Variants in ARHGAP42 observed in about 807,000 individuals in gnomAD.
ARHGAP42 encodes Rho GTPase activating protein 42, also known as rho GTPase-activating protein 42.
In ARHGAP42, 63 loss-of-function variants were observed where a neutral mutation model predicts 125.0. The ratio of observed to expected loss-of-function variants is 0.50; its 90% CI spans 0.41 to 0.62. The LOEUF is 0.62. ARHGAP42 is among the 20% of genes least tolerant of loss of function. ARHGAP42 has a pLI of 0.00. For missense variants in ARHGAP42, 766 were observed against 1,024.2 expected (o/e 0.75, Z 3.44); for synonymous variants, 339 against 351.0 (o/e 0.97, Z 0.38).
intron 1 of ARHGAP42, among the ~76,000 whole-genome samples, chr11:100,759,834 T>G (rs930144203): frequency 2.0e-5 from 3 of 152,134 alleles, no homozygotes; most frequent in African/African-American, 7.2e-5. Context: ...ATTACTTGGC[T>G]TCCTTCTCCC....
chr11:100,988,393 A>G (rs186538924), intron 23 of ARHGAP42, among the ~76,000 whole-genome samples: 1 of 152,350 alleles, frequency 6.6e-6, no homozygotes, highest in East Asian at 1.9e-4. Context: ...GAAAATAAAT[A>G]GATAAATAAT....
intron 5 of ARHGAP42, among the ~76,000 whole-genome samples, chr11:100,920,078 C>T (rs912776407): frequency 2.0e-5 from 3 of 152,146 alleles, no homozygotes; most frequent in Admixed American, 6.5e-5. Context: ...GTGTGGAATA[C>T]TGATGTTCTT....
At chr11:100,874,523 G>A (rs1426944775) in intron 4 of ARHGAP42, among the ~76,000 whole-genome samples, 1 of 152,138 alleles carries the variant, frequency 6.6e-6, no homozygotes, top group Non-Finnish European at 1.5e-5. Context: ...GATCGCAAAG[G>A]TCTTTGACTG....
intron 1 of ARHGAP42, among the ~76,000 whole-genome samples, chr11:100,762,970 ATTT>A (rs553749625): frequency 7.3e-4 from 62 of 85,016 alleles, no homozygotes; most frequent in African/African-American, 2.6e-3. Context: ...GTTTATAGTG[ATTT>A]TTTTTTTTTT....
At chr11:100,861,781 A>T (rs753330795) in intron 4 of ARHGAP42, among the ~76,000 whole-genome samples, 5 of 152,318 alleles carry the variant, frequency 3.3e-5, no homozygotes, top group Non-Finnish European at 5.9e-5. Flanking sequence ...GGCTCCTCTG[A>T]GACATCCATG....
chr11:100,836,943 AAT>A (rs1864802941), intron 3 of ARHGAP42, among the ~76,000 whole-genome samples: 1 of 151,952 alleles, frequency 6.6e-6, no homozygotes, highest in East Asian at 1.9e-4. Context: ...GTTCCAGCAA[AAT>A]ATTTTTGGTT....
Position 100,717,666 on chromosome 11 carries a change from A to G in ARHGAP42, c.154+29834A>G, listed in dbSNP as rs561100696. Among the ~76,000 whole-genome samples, 26 of 147,416 alleles carry G rather than the reference A, an allele frequency of 1.8e-4. No homozygotes were observed. The South Asian group carries it at 4.5e-3, about 26-fold the overall frequency. On this transcript the variant is annotated intron_variant, in intron 1 of 23. Coordinates refer to ENST00000298815, the MANE Select transcript of ARHGAP42 (RefSeq NM_152432.4). ...AAAAAAAAAAAAAAAAAGATTCCAT[A>G]TATAATTCCAGCACTTTGGGAGGCT... is the stretch of plus-strand genomic sequence containing the variant.
chr11:100,888,130 TGTAA>T (rs1191917429), intron 4 of ARHGAP42, among the ~76,000 whole-genome samples: 1 of 152,258 alleles, frequency 6.6e-6, no homozygotes. Context: ...CAGGCAGATA[TGTAA>T]GTATTTCACA....
At chr11:100,763,419 T>C (rs890432223) in intron 1 of ARHGAP42, among the ~76,000 whole-genome samples, 1 of 152,196 alleles carries the variant, frequency 6.6e-6, no homozygotes, top group Non-Finnish European at 1.5e-5. Flanking sequence ...TCAAGAAGCC[T>C]AAAACCTAAG....
intron 3 of ARHGAP42, among the ~76,000 whole-genome samples, chr11:100,821,669 A>G (rs1262393958): frequency 4.0e-5 from 6 of 151,786 alleles, no homozygotes; most frequent in Admixed American, 3.3e-4. Flanking sequence ...AAAGCAGCAG[A>G]CATCTTTCCT....
At chr11:100,922,831 C>G (rs1416048036) in intron 6 of ARHGAP42, among the ~76,000 whole-genome samples, 2 of 152,188 alleles carry the variant, frequency 1.3e-5, no homozygotes, top group Non-Finnish European at 2.9e-5. Context: ...CCTACTGACT[C>G]TCTCCTGTAA....
At chr11:100,695,888 C>T (rs1861272466) in intron 1 of ARHGAP42, among the ~76,000 whole-genome samples, 2 of 152,070 alleles carry the variant, frequency 1.3e-5, no homozygotes, top group South Asian at 4.1e-4. Context: ...GATAATTCCT[C>T]TAATTTAATT....
At chr11:100,980,377 C>A (rs1023909736) in intron 22 of ARHGAP42, among the ~76,000 whole-genome samples, 1 of 151,724 alleles carries the variant, frequency 6.6e-6, no homozygotes, top group Admixed American at 6.6e-5. Context: ...AGATGGAGCC[C>A]TTTTATTAGG....
intron 2 of ARHGAP42, among the ~76,000 whole-genome samples, chr11:100,790,903 T>C (rs1240874791): frequency 2.0e-5 from 3 of 152,320 alleles, no homozygotes; most frequent in East Asian, 3.9e-4. Context: ...ATAATAATAT[T>C]GATAAATAAA....
intron 1 of ARHGAP42, among the ~76,000 whole-genome samples, chr11:100,732,293 A>G (rs1490055899): frequency 6.6e-6 from 1 of 152,134 alleles, no homozygotes; most frequent in East Asian, 1.9e-4. Flanking sequence ...GAGCTCCATG[A>G]AGGCAGGGAT....
intron 1 of ARHGAP42, among the ~76,000 whole-genome samples, chr11:100,733,942 T>TTTTTTTTTTTG (rs1862009485): frequency 7.2e-5 from 10 of 139,794 alleles, no homozygotes; most frequent in Admixed American, 7.1e-4. Flanking sequence ...TTTTTTTTTT[T>TTTTTTTTTTTG]TTTTTTTTTT....
chr11:100,793,583 A>G (rs1022092409), intron 2 of ARHGAP42, among the ~76,000 whole-genome samples: 2 of 152,236 alleles, frequency 1.3e-5, no homozygotes, highest in African/African-American at 4.8e-5. Flanking sequence ...AAATATTTTA[A>G]GTTGGAATTT....
intron 1 of ARHGAP42, among the ~76,000 whole-genome samples, chr11:100,696,212 AAG>A (rs1226894812): frequency 6.6e-6 from 1 of 152,208 alleles, no homozygotes; most frequent in African/African-American, 2.4e-5. Context: ...ACAACAGAGC[AAG>A]ACCCTGTGTC....
Position 100,964,933 on chromosome 11 carries a change from A to G in ARHGAP42, c.1445-738A>G, listed in dbSNP as rs117231562. On this transcript the variant is annotated intron_variant, in intron 16 of 23. Coordinates refer to ENST00000298815, the MANE Select transcript of ARHGAP42 (RefSeq NM_152432.4). ...TCTGTGGGTGTATTGCCACACTGCT[A>G]TGAAGAAATATCCAAGACTCAGTAA... Among the ~76,000 whole-genome samples the G allele has an allele frequency of 4.1e-3, 627 of 152,254 alleles. 2 individuals are homozygous for G. Among genetic ancestry groups the G allele is most frequent in the Non-Finnish European group, 4.6e-3 (311 of 68,004 alleles).
Sources: allele counts gnomAD v4.1 joint callset (sites outside exome capture counted in the v4.1 genomes callset), GRCh38; gene constraint gnomAD v4.1.1; transcripts MANE v1.5; gene names NCBI Gene and HGNC (gene_info 2026-07-23, HGNC 2026-07-21).